Variants in ZBTB7C observed in about 807,000 individuals in gnomAD.
The protein encoded by ZBTB7C is zinc finger and BTB domain containing 7C.
ZBTB7C carries 8 observed loss-of-function variants against 25.7 expected under a neutral mutation model. That is an observed-to-expected ratio of 0.31 (90% CI 0.18 to 0.56). The LOEUF (loss-of-function observed/expected upper bound fraction) is 0.56, where lower values mean the gene tolerates loss of function less well. ZBTB7C is among the 20% of genes least tolerant of loss of function. The pLI is 0.91. For synonymous variants in ZBTB7C, 394 were observed against 369.0 expected (o/e 1.07, Z -0.78); for missense variants, 824 against 855.2 (o/e 0.96, Z 0.46).
At chr18:48,268,662 G>A (rs572055852) in intron 2 of ZBTB7C, among the ~76,000 whole-genome samples, 3 of 152,360 alleles carry the variant, frequency 2.0e-5, no homozygotes, top group African/African-American at 4.8e-5. Flanking sequence ...GCTGGCCAAG[G>A]TCAAGGCCTA....
At chr18:48,291,499 C>T (rs1329769422) in intron 2 of ZBTB7C, among the ~76,000 whole-genome samples, 1 of 152,130 alleles carries the variant, frequency 6.6e-6, no homozygotes, top group Non-Finnish European at 1.5e-5. Context: ...GAGAAACCTA[C>T]CTGAGAGCCA....
chr18:48,342,179 C>T (rs117527240), intron 1 of ZBTB7C, among the ~76,000 whole-genome samples: 8,179 of 152,288 alleles, frequency 0.054, 324 homozygotes, highest in Non-Finnish European at 0.082. Context: ...AGCACAGGTT[C>T]CCATGCCAGC....
intron 2 of ZBTB7C, among the ~76,000 whole-genome samples, chr18:48,238,334 C>T (rs777829897): frequency 1.3e-5 from 2 of 152,270 alleles, no homozygotes; most frequent in Non-Finnish European, 2.9e-5. Flanking sequence ...GTGAAGACTC[C>T]CATTGTGAAC....
intron 2 of ZBTB7C, among the ~76,000 whole-genome samples, chr18:48,190,074 C>G (rs2042156955): frequency 6.6e-6 from 1 of 152,166 alleles, no homozygotes; most frequent in Non-Finnish European, 1.5e-5. Context: ...TCCTGACATC[C>G]TTTTCTCTCC....
chr18:48,320,941 A>G (rs894569744), intron 2 of ZBTB7C, among the ~76,000 whole-genome samples: 1 of 152,232 alleles, frequency 6.6e-6, no homozygotes, highest in Admixed American at 6.5e-5. Flanking sequence ...AGCTCCAACC[A>G]GGGGTCCTGT....
intron 3 of ZBTB7C, among the ~76,000 whole-genome samples, chr18:48,073,931 G>A (rs998861851): frequency 6.6e-6 from 1 of 152,134 alleles, no homozygotes; most frequent in Non-Finnish European, 1.5e-5. Flanking sequence ...CAGGGCAAAG[G>A]CCCTGTCCCT....
At chr18:48,227,383 G>C (rs1414286631) in intron 2 of ZBTB7C, among the ~76,000 whole-genome samples, 1 of 152,230 alleles carries the variant, frequency 6.6e-6, no homozygotes, top group East Asian at 1.9e-4. Context: ...CATTTCTGGG[G>C]GTTTGTGGCT....
At chr18:48,178,647 T>C (rs2041769088) in intron 3 of ZBTB7C, among the ~76,000 whole-genome samples, 1 of 152,210 alleles carries the variant, frequency 6.6e-6, no homozygotes, top group Non-Finnish European at 1.5e-5. Context: ...TTCATTCTAT[T>C]AAAATCAAAA....
intron 1 of ZBTB7C, among the ~76,000 whole-genome samples, chr18:48,381,560 C>T (rs927012376): frequency 6.6e-6 from 1 of 152,190 alleles, no homozygotes; most frequent in African/African-American, 2.4e-5. Flanking sequence ...AGTGTGTACA[C>T]AGTCACAACA....
chr18:48,302,342 A>G (rs889630270), intron 2 of ZBTB7C, among the ~76,000 whole-genome samples: 18 of 152,130 alleles, frequency 1.2e-4, no homozygotes, highest in African/African-American at 4.3e-4. Flanking sequence ...GGCCATTTCC[A>G]CTAACTCAAT....
At chr18:48,266,837 T>C (rs2044328377) in intron 2 of ZBTB7C, among the ~76,000 whole-genome samples, 1 of 152,176 alleles carries the variant, frequency 6.6e-6, no homozygotes, top group Admixed American at 6.5e-5. Flanking sequence ...GTTTTATGTG[T>C]AGGTAGGTTT....
chr18:48,062,141 T>C (rs147581572), intron 3 of ZBTB7C, among the ~76,000 whole-genome samples: 1,640 of 152,334 alleles, frequency 0.011, 42 homozygotes, highest in Non-Finnish European at 0.015. Context: ...ATAAAAAGGA[T>C]TTCCTCTGAA....
chr18:48,286,404 C>T (rs1220152237), intron 2 of ZBTB7C, among the ~76,000 whole-genome samples: 2 of 151,946 alleles, frequency 1.3e-5, no homozygotes, highest in Admixed American at 6.6e-5. Context: ...TAAAGGAAAA[C>T]ATCATCACAT....
intron 3 of ZBTB7C, among the ~76,000 whole-genome samples, chr18:48,054,419 AGCTGTGGGAGGAAAGAG>A (rs1176444379): frequency 1.3e-5 from 2 of 152,130 alleles, no homozygotes; most frequent in Non-Finnish European, 2.9e-5. Context: ...GGGGGGTGGC[AGCTGTGGGAGGAAAGAG>A]GACAGAGTCA....
At chr18:48,391,508 T>C (rs540628370) in intron 1 of ZBTB7C, among the ~76,000 whole-genome samples, 1 of 149,198 alleles carries the variant, frequency 6.7e-6, no homozygotes, top group Non-Finnish European at 1.5e-5. Context: ...CTATATTTTC[T>C]ACAGAATATC....
At chr18:48,189,266 C>A (rs570614990) in intron 2 of ZBTB7C, among the ~76,000 whole-genome samples, 75 of 152,284 alleles carry the variant, frequency 4.9e-4, no homozygotes, top group African/African-American at 1.8e-3. Context: ...AACAATTGAG[C>A]ATTTACAGAT....
intron 2 of ZBTB7C, among the ~76,000 whole-genome samples, chr18:48,288,152 G>T (rs541901378): frequency 6.6e-6 from 1 of 152,210 alleles, no homozygotes; most frequent in Non-Finnish European, 1.5e-5. Context: ...AGATCTAAAA[G>T]AATGTATAGC....
At chr18:48,220,730 G>A (rs923280608) in intron 2 of ZBTB7C, among the ~76,000 whole-genome samples, 1 of 152,116 alleles carries the variant, frequency 6.6e-6, no homozygotes, top group Non-Finnish European at 1.5e-5. Flanking sequence ...CTTTGTAAGT[G>A]CTTTACATAT....
chr18:48,102,008 A>C (rs574208813), intron 3 of ZBTB7C, among the ~76,000 whole-genome samples: 2 of 152,342 alleles, frequency 1.3e-5, no homozygotes, highest in East Asian at 3.9e-4. Context: ...ACAGAAAAAA[A>C]GAACAAGAGG....
Sources: allele counts gnomAD v4.1 joint callset (sites outside exome capture counted in the v4.1 genomes callset), GRCh38; gene constraint gnomAD v4.1.1; transcripts MANE v1.5; gene names NCBI Gene and HGNC (gene_info 2026-07-23, HGNC 2026-07-21).